The following RBFOX1 variants were observed in gnomAD, a reference collection of about 807,000 sequenced individuals.
RBFOX1 encodes RNA binding fox-1 homolog 1, also known as RNA binding protein fox-1 homolog 1.
Under a neutral mutation model 57.7 loss-of-function variants are expected in RBFOX1, and 8 were observed. The observed-to-expected ratio is 0.14, with a 90% CI of 0.08 to 0.25. RBFOX1 has a LOEUF of 0.25. Ranked by LOEUF, RBFOX1 falls within the 10% of genes least tolerant of loss-of-function variation. The pLI, the probability that RBFOX1 is intolerant of heterozygous loss-of-function variation, is 1.00. For missense variants in RBFOX1, 611 were observed against 548.5 expected (o/e 1.11, Z -1.14); for synonymous variants, 326 against 222.4 (o/e 1.47, Z -4.15).
chr16:5,717,089 T>G (rs1258376001), intron 3 of RBFOX1, among the ~76,000 whole-genome samples: 1 of 152,188 alleles, frequency 6.6e-6, no homozygotes, highest in Non-Finnish European at 1.5e-5. Flanking sequence ...TTCTTGGAGG[T>G]GCTTTTCTGT....
chr16:6,486,344 A>G (rs9931247), intron 2 of RBFOX1, among the ~76,000 whole-genome samples: 14,386 of 151,926 alleles, frequency 0.095, 881 homozygotes, highest in African/African-American at 0.16. Context: ...TAAATTTATA[A>G]TTTTTATATT....
intron 3 of RBFOX1, among the ~76,000 whole-genome samples, chr16:6,688,856 C>T (rs1054566216): frequency 3.9e-5 from 6 of 152,116 alleles, no homozygotes; most frequent in African/African-American, 1.4e-4. Context: ...TCTCATTGTT[C>T]AACTCCCACT....
intron 2 of RBFOX1, among the ~76,000 whole-genome samples, chr16:6,337,083 T>C (rs1391324774): frequency 6.6e-6 from 1 of 152,218 alleles, no homozygotes; most frequent in Non-Finnish European, 1.5e-5. Context: ...GAGCACTTTA[T>C]ATTACTCGAC....
intron 2 of RBFOX1, among the ~76,000 whole-genome samples, chr16:6,420,532 A>G (rs1400027761): frequency 6.6e-6 from 1 of 152,234 alleles, no homozygotes; most frequent in Non-Finnish European, 1.5e-5. Context: ...TAAAGGGTGG[A>G]GAAAAACCAC....
intron 3 of RBFOX1, among the ~76,000 whole-genome samples, chr16:6,834,918 T>C (rs1295522641): frequency 2.1e-5 from 3 of 144,910 alleles, no homozygotes; most frequent in Non-Finnish European, 3.0e-5. Context: ...TTTGAGATGG[T>C]GTCTCGCTCT....
chr16:7,206,925 T>G (rs77742334), intron 4 of RBFOX1, among the ~76,000 whole-genome samples: 2,554 of 152,262 alleles, frequency 0.017, 76 homozygotes, highest in African/African-American at 0.058. Context: ...TACAGCATGG[T>G]CTGTTTCTGT....
intron 3 of RBFOX1, among the ~76,000 whole-genome samples, chr16:5,688,446 A>G (rs546453247): frequency 6.6e-6 from 1 of 152,350 alleles, no homozygotes; most frequent in South Asian, 2.1e-4. Flanking sequence ...GCCTGCAAGA[A>G]TTCCTGAGTG....
intron 3 of RBFOX1, among the ~76,000 whole-genome samples, chr16:6,658,443 G>C (rs902720864): frequency 6.6e-6 from 1 of 151,926 alleles, no homozygotes; most frequent in African/African-American, 2.4e-5. Flanking sequence ...TCCTGACCTC[G>C]TGATCCGCCT....
chr16:6,123,772 G>T (rs1051953484), intron 1 of RBFOX1, among the ~76,000 whole-genome samples: 2 of 152,136 alleles, frequency 1.3e-5, no homozygotes, highest in Non-Finnish European at 2.9e-5. Flanking sequence ...CGGCATGTTG[G>T]CACATGCCTG....
At chr16:5,512,914 T>C (rs756120243) in intron 2 of RBFOX1, among the ~76,000 whole-genome samples, 5 of 152,170 alleles carry the variant, frequency 3.3e-5, no homozygotes, top group Non-Finnish European at 5.9e-5. Context: ...TGATGGTTTC[T>C]CAGACTTTCC....
chr16:7,316,944 A>G (rs925686896), intron 4 of RBFOX1, among the ~76,000 whole-genome samples: 1 of 146,548 alleles, frequency 6.8e-6, no homozygotes, highest in East Asian at 2.1e-4. Flanking sequence ...TTTTTTGCCA[A>G]GACGAATGAA....
intron 1 of RBFOX1, among the ~76,000 whole-genome samples, chr16:6,267,683 C>T (rs920173150): frequency 2.0e-5 from 3 of 152,166 alleles, no homozygotes; most frequent in Admixed American, 6.5e-5. Context: ...ACTCCTAAAA[C>T]CAACAATCAA....
intron 2 of RBFOX1, among the ~76,000 whole-genome samples, chr16:6,556,111 C>G (rs1015488432): frequency 6.6e-6 from 1 of 152,126 alleles, no homozygotes; most frequent in South Asian, 2.1e-4. Flanking sequence ...CTCCAGAACT[C>G]AGGACATTTA....
At chr16:6,880,806 G>T (rs1212681167) in intron 3 of RBFOX1, among the ~76,000 whole-genome samples, 1 of 151,856 alleles carries the variant, frequency 6.6e-6, no homozygotes, top group Non-Finnish European at 1.5e-5. Flanking sequence ...TTATATTATT[G>T]AAAGAATAAA....
At chr16:6,502,658 G>C (rs2095971868) in intron 2 of RBFOX1, among the ~76,000 whole-genome samples, 1 of 152,122 alleles carries the variant, frequency 6.6e-6, no homozygotes, top group South Asian at 2.1e-4. Context: ...TTTGTATGTG[G>C]AACTTTTCTA....
intron 4 of RBFOX1, among the ~76,000 whole-genome samples, chr16:5,988,283 A>G (rs1209753303): frequency 6.6e-6 from 1 of 152,230 alleles, no homozygotes; most frequent in East Asian, 1.9e-4. Flanking sequence ...AATTGAACAT[A>G]ATTAAAATAA....
intron 1 of RBFOX1, among the ~76,000 whole-genome samples, chr16:6,220,773 C>T (rs1012965108): frequency 2.0e-5 from 3 of 151,250 alleles, no homozygotes. Flanking sequence ...CATCACAGTA[C>T]AATCAGCATT....
At chr16:5,545,442 A>G (rs549662949) in intron 2 of RBFOX1, among the ~76,000 whole-genome samples, 11 of 152,324 alleles carry the variant, frequency 7.2e-5, no homozygotes, top group African/African-American at 2.6e-4. Flanking sequence ...TCTATCATGA[A>G]TATAGATGCA....
Position 5,469,085 on chromosome 16 carries a change from G to T in RBFOX1, c.258+1831G>T, listed in dbSNP as rs141621430. The stretch of plus-strand genomic sequence containing the variant: ...TGACCAGTAGAGGTTTTCTTGGGAG[G>T]TGGGTACTAGAGCGGGCAAGCTCTG... On this transcript the variant is annotated intron_variant, in intron 2 of 2. Transcript: ENST00000585867. Among the ~76,000 whole-genome samples, 299 of 152,346 alleles carry T rather than the reference G, an allele frequency of 2.0e-3. 1 individual carries two copies. Among genetic ancestry groups the T allele is most frequent in the African/African-American group, 7.1e-3 (294 of 41,582 alleles).
Sources: allele counts gnomAD v4.1 joint callset (sites outside exome capture counted in the v4.1 genomes callset), GRCh38; gene constraint gnomAD v4.1.1; transcripts MANE v1.5; gene names NCBI Gene and HGNC (gene_info 2026-07-23, HGNC 2026-07-21).